NKTR: variants seen among roughly 807,000 people sequenced by gnomAD.
The protein encoded by NKTR is natural killer cell triggering receptor, also known as NK-tumor recognition protein.
A neutral mutation model predicts 156.3 loss-of-function variants in NKTR; 67 were observed. That is an observed-to-expected ratio of 0.43 (90% CI 0.35 to 0.53). The LOEUF (loss-of-function observed/expected upper bound fraction) is 0.53, where lower values mean the gene tolerates loss of function less well. NKTR is among the 20% of genes least tolerant of loss of function. The pLI, the probability that NKTR is intolerant of heterozygous loss-of-function variation, is 0.01. For synonymous variants in NKTR, 640 were observed against 596.6 expected, an observed-to-expected ratio of 1.07 and a Z score of -1.06; for missense variants, 1,604 against 1,730.9, an observed-to-expected ratio of 0.93 and a Z score of 1.30.
chr3:42,635,801 G>C (rs1307529819), intron 12 of NKTR, among the ~76,000 whole-genome samples: 2 of 152,012 alleles, frequency 1.3e-5, no homozygotes, highest in Non-Finnish European at 2.9e-5. Flanking sequence ...CAGCTACTTA[G>C]AGAGGCTGAG....
In NKTR at chr3:42,601,058, G is replaced by A; in HGVS notation, c.52G>A (p.Glu18Lys). Residue 18 changes from glutamate (E) to lysine (K), a missense_variant, in exon 2 of 17, where the codon GAG becomes AAG. Glu to Lys is a moderately conservative substitution (Grantham distance 56). Around this residue, in one of 6 missense-constraint regions of NKTR, gnomAD observed 73 missense variants for 90.7 expected, o/e 0.80. Coordinates refer to ENST00000232978, the MANE Select transcript of NKTR (RefSeq NM_005385.4). ...CCACTTCGACATCGAGATCAACCGG[G>A]AGCCGGGTGAGCTGGAAACTGGGGA... is the stretch of plus-strand genomic sequence containing the variant. ...QCHFDIEINR[E>K]PVGRIMFQLF... is the part of the protein sequence containing the mutation. 6.4e-7 allele frequency: 1 copy of A among 1,574,606 alleles called. No homozygotes were observed. The highest frequency in any genetic ancestry group is 1.2e-5 in the South Asian group (1 of 85,486).
intron 2 of NKTR, chr3:42,601,693 G>T (rs1346949145): frequency 2.0e-5 from 3 of 152,116 alleles, no homozygotes; most frequent in Non-Finnish European, 4.4e-5. Flanking sequence ...TCCTTCTAAA[G>T]CATAGTTATT....
intron 11 of NKTR, 105 bp downstream of exon 11, chr3:42,634,805 A>G (rs1709227968): frequency 1.6e-6 from 1 of 624,100 alleles, no homozygotes; most frequent in East Asian, 2.8e-5. Flanking sequence ...AATCTGTTCA[A>G]GGAACTAATT....
chr3:42,635,063 A>G (rs1709262803), intron 11 of NKTR, 158 bp from the exon 12 acceptor site: 3 of 395,432 alleles, frequency 7.6e-6, no homozygotes, highest in Non-Finnish European at 1.3e-5. Context: ...AAACTAAAAA[A>G]AAAAAAAAAA....
At position 42,637,657 on chromosome 3, in the gene NKTR, T is replaced by C; in HGVS notation, c.1953T>C (p.Ser651=). 1 of 1,612,706 alleles carries C rather than the reference T, an allele frequency of 6.2e-7. No individual in the cohort carries two copies. Among genetic ancestry groups the C allele is most frequent in the African/African-American group, 1.3e-5 (1 of 74,790 alleles). ...THLLPIQSTY[S]LANIKETGSS... is the part of the protein sequence containing the mutation. Reference sequence around the variant, plus strand: ...TGCTACCCATCCAAAGCACTTACAGTTTAGCAAATATTAAAGAGACTGGTA... The same window carrying C: ...TGCTACCCATCCAAAGCACTTACAGCTTAGCAAATATTAAAGAGACTGGTA... Residue 651 remains serine (S), a synonymous_variant, in exon 13 of 17, where the codon AGT becomes AGC. Transcript: ENST00000232978.
At chr3:42,635,955 T>C (rs751253035) in intron 12 of NKTR, among the ~76,000 whole-genome samples, 31 of 152,286 alleles carry the variant, frequency 2.0e-4, no homozygotes, top group Non-Finnish European at 3.5e-4. Context: ...TAGCAGATTC[T>C]TTCCTAGCCA....
chr3:42,647,303 GTTTT>G lies in NKTR; in HGVS notation c.*1336_*1339del, dbSNP rs10676488. On this transcript the variant is annotated 3_prime_UTR_variant, in exon 17 of 17. Transcript: ENST00000232978. Reference sequence around the variant, plus strand: ...GTGTGTGTGTGTGTGTGTGTGTGTGGTTTTTTTTTTTAATCTTTACTTTGAATTT... The same window carrying G: ...GTGTGTGTGTGTGTGTGTGTGTGTGGTTTTTTTAATCTTTACTTTGAATTT... 1 of 101,260 alleles carries G rather than the reference GTTTT, an allele frequency of 9.9e-6. No individual in the cohort carries two copies. Among genetic ancestry groups the G allele is most frequent in the Non-Finnish European group, 2.0e-5 (1 of 50,758 alleles). The allele number at this position is 101,260 out of a possible 1,614,324, so 6.3% of individuals were successfully genotyped here. A position where few individuals can be genotyped will look rare whatever the true frequency, so the allele number is the denominator to read the frequency against.
chr3:42,636,412 T>C (rs1261093464), intron 12 of NKTR, among the ~76,000 whole-genome samples: 1 of 152,190 alleles, frequency 6.6e-6, no homozygotes, highest in Non-Finnish European at 1.5e-5. Flanking sequence ...ATTACCTGTC[T>C]GAGGTGGAGA....
intron 8 of NKTR, among the ~76,000 whole-genome samples, chr3:42,632,016 T>C (rs1708953932): frequency 6.6e-6 from 1 of 151,992 alleles, no homozygotes; most frequent in South Asian, 2.1e-4. Context: ...TACACTGCTT[T>C]GTTTTTCTGT....
At chr3:42,623,813 C>G (rs1708131941) in intron 6 of NKTR, 1 of 152,004 alleles carries the variant, frequency 6.6e-6, no homozygotes, top group Non-Finnish European at 1.5e-5. Context: ...GTTCTGGAAT[C>G]TGAAAAAGAA....
chr3:42,627,480 G>A (rs991360031), intron 6 of NKTR: 3 of 985,088 alleles, frequency 3.0e-6, no homozygotes, highest in Non-Finnish European at 3.6e-6. Context: ...TTTATAGTAT[G>A]GTTTTAGTTC....
intron 2 of NKTR, 34 bp downstream of exon 2, chr3:42,601,098 G>C (rs912892084): frequency 6.6e-7 from 1 of 1,523,512 alleles, no homozygotes; most frequent in African/African-American, 1.4e-5. Flanking sequence ...TGCTGGGGCC[G>C]AGGCCTGCCT....
intron 8 of NKTR, among the ~76,000 whole-genome samples, chr3:42,631,539 T>C (rs969244264): frequency 6.6e-6 from 1 of 152,218 alleles, no homozygotes; most frequent in African/African-American, 2.4e-5. Context: ...GTGTCTGGAT[T>C]ATTGCCGTAG....
At chr3:42,625,307 A>C (rs1708272132) in intron 6 of NKTR, among the ~76,000 whole-genome samples, 1 of 152,164 alleles carries the variant, frequency 6.6e-6, no homozygotes, top group Non-Finnish European at 1.5e-5. Flanking sequence ...GTCACTGGCC[A>C]CTGTCAGTGG....
At chr3:42,605,025 A>G (rs947092439) in intron 2 of NKTR, among the ~76,000 whole-genome samples, 13 of 151,892 alleles carry the variant, frequency 8.6e-5, no homozygotes, top group African/African-American at 3.1e-4. Context: ...TTTTTGCATC[A>G]TTCATTTTGA....
At chr3:42,603,025 CAAAAAAAAAAA>C (rs35896209) in intron 2 of NKTR, 1 of 102,724 alleles carries the variant, frequency 9.7e-6, no homozygotes. Flanking sequence ...GACCCTGTCT[CAAAAAAAAAAA>C]AAAAGAAAAG....
chr3:42,605,282 C>T (rs1706127390), intron 2 of NKTR, among the ~76,000 whole-genome samples: 1 of 152,270 alleles, frequency 6.6e-6, no homozygotes. Flanking sequence ...ATAGATGGGT[C>T]TTGTCCCACT....
chr3:42,628,127 C>T, intron 6 of NKTR: 2 of 984,720 alleles, frequency 2.0e-6, no homozygotes, highest in Non-Finnish European at 2.4e-6. Flanking sequence ...TTGTTAAATA[C>T]TTTTAGTATT....
intron 2 of NKTR, chr3:42,602,374 G>T (rs531488902): frequency 6.6e-6 from 1 of 152,242 alleles, no homozygotes; most frequent in East Asian, 1.9e-4. Context: ...ACACAATGAC[G>T]AAATTGCCTA....
Sources: allele counts gnomAD v4.1 joint callset (sites outside exome capture counted in the v4.1 genomes callset), GRCh38; gene constraint gnomAD v4.1.1; regional missense constraint gnomAD v4.1.1; transcripts MANE v1.5; gene names NCBI Gene and HGNC (gene_info 2026-07-23, HGNC 2026-07-21).